The following MPPE1 variants were observed in gnomAD, a reference collection of about 807,000 sequenced individuals.
The protein encoded by MPPE1 is metallophosphoesterase 1, also known as metallo phosphoesterase.
In MPPE1, 28 loss-of-function variants were observed where a neutral mutation model predicts 43.8. The observed-to-expected ratio is 0.64, with a 90% CI of 0.47 to 0.88. The LOEUF is 0.88. Ranked by LOEUF, MPPE1 falls within the 40% of genes least tolerant of loss-of-function variation. The pLI is 0.00. For synonymous variants in MPPE1, 159 were observed against 188.5 expected, an observed-to-expected ratio of 0.84 and a Z score of 1.28; for missense variants, 428 against 492.2, an observed-to-expected ratio of 0.87 and a Z score of 1.23.
chr18:11,908,299 C>T lies in MPPE1; in HGVS notation c.-298G>A, dbSNP rs2039913291. On this transcript the variant is annotated 5_prime_UTR_variant, in exon 1 of 11. Coordinates refer to ENST00000588072, the MANE Select transcript of MPPE1 (RefSeq NM_023075.6). The stretch of plus-strand genomic sequence containing the variant: ...ACCAGGGCAGGGTGGCTTCGGTGGC[C>T]GAGGGACCCGGGAACTGCAGCCGGA... 1 of 152,262 alleles carries T rather than the reference C, an allele frequency of 6.6e-6. No individual in the cohort carries two copies. The highest frequency in any genetic ancestry group is 1.5e-5 in the Non-Finnish European group (1 of 68,064). 9.4% of individuals were successfully genotyped at this position (152,262 alleles called of 1,614,324 possible).
chr18:11,890,948 C>G (rs961111242), intron 4 of MPPE1, among the ~76,000 whole-genome samples: 6 of 152,082 alleles, frequency 3.9e-5, no homozygotes, highest in Non-Finnish European at 7.4e-5. Context: ...TATTCTGATA[C>G]TTGCTTTAAC....
intron 1 of MPPE1, among the ~76,000 whole-genome samples, chr18:11,907,468 C>T (rs2039825192): frequency 6.6e-6 from 1 of 152,156 alleles, no homozygotes; most frequent in Non-Finnish European, 1.5e-5. Flanking sequence ...ATGGCTGTGT[C>T]ACCAGCCATG....
chr18:11,904,510 G>A (rs1217257519), intron 2 of MPPE1, among the ~76,000 whole-genome samples: 1 of 151,958 alleles, frequency 6.6e-6, no homozygotes, highest in Admixed American at 6.6e-5. Context: ...GTAGAGACAG[G>A]GTTTCACCAT....
At chr18:11,897,956 T>C (rs2038764495) in intron 2 of MPPE1, among the ~76,000 whole-genome samples, 1 of 152,214 alleles carries the variant, frequency 6.6e-6, no homozygotes. Flanking sequence ...AAATCTGACA[T>C]AGTTGACTCC....
intron 2 of MPPE1, among the ~76,000 whole-genome samples, chr18:11,904,385 G>A (rs2039506315): frequency 6.6e-6 from 1 of 151,672 alleles, no homozygotes; most frequent in South Asian, 2.1e-4. Context: ...TGTGATCCCA[G>A]CTCAGTGCAA....
At chr18:11,888,364 A>G (rs890557060) in intron 6 of MPPE1, among the ~76,000 whole-genome samples, 1 of 152,218 alleles carries the variant, frequency 6.6e-6, no homozygotes, top group Non-Finnish European at 1.5e-5. Flanking sequence ...TGGGCTGATG[A>G]AATTTGTGCT....
intron 2 of MPPE1, among the ~76,000 whole-genome samples, chr18:11,903,677 G>A (rs1402707917): frequency 6.6e-6 from 1 of 152,088 alleles, no homozygotes; most frequent in Non-Finnish European, 1.5e-5. Context: ...GTGGTTGCAG[G>A]TGCCTATAGT....
intron 2 of MPPE1, among the ~76,000 whole-genome samples, chr18:11,903,074 G>C (rs1029873730): frequency 6.6e-6 from 1 of 152,186 alleles, no homozygotes. Flanking sequence ...AGGCAGGCAT[G>C]AGCGGGGCAG....
At chr18:11,901,788 G>A (rs547738709) in intron 2 of MPPE1, among the ~76,000 whole-genome samples, 3 of 152,174 alleles carry the variant, frequency 2.0e-5, no homozygotes, top group East Asian at 2.0e-4. Context: ...GCAGTGAGCC[G>A]AGATCGTGCC....
Position 11,886,735 on chromosome 18 carries a change from G to A in MPPE1, c.722C>T (p.Thr241Met), listed in dbSNP as rs201421076. ...SRCGPGPLLP[T>M]SAPVLLQHYP... ...CACCTGCAGGAGGACAGGGGCAGAC[G>A]TGGGCAGCAGAGGCCCAGGTCCACA... is the stretch of plus-strand genomic sequence containing the variant. The change falls in exon 8 of 11, where the codon ACG (threonine) becomes ATG (methionine). Residue 241 changes from threonine (T) to methionine (M), a missense_variant. This residue lies in a region of MPPE1 where 379 missense variants were observed against 402.5 expected (regional missense o/e 0.94). Transcript: ENST00000588072. This position sits in a 1 kb window ranked among gnomAD's most constrained non-coding sequence, Gnocchi z 4.1. 102 of 1,613,404 alleles carry A rather than the reference G, an allele frequency of 6.3e-5. No individual in the cohort carries two copies. The highest frequency in any genetic ancestry group is 7.8e-5 in the Non-Finnish European group (92 of 1,179,982).
intron 2 of MPPE1, among the ~76,000 whole-genome samples, chr18:11,900,323 G>A (rs34937771): frequency 0.01 from 1,555 of 152,118 alleles, 35 homozygotes; most frequent in African/African-American, 0.036. Flanking sequence ...CTGCAGCCTC[G>A]GTGACAGAGA....
intron 3 of MPPE1, among the ~76,000 whole-genome samples, chr18:11,896,258 T>C (rs914802476): frequency 6.6e-6 from 1 of 151,992 alleles, no homozygotes; most frequent in Admixed American, 6.6e-5. Context: ...CCCGCCATCA[T>C]GCTCAGCTAA....
At chr18:11,896,126 G>T (rs2038589043) in intron 3 of MPPE1, among the ~76,000 whole-genome samples, 1 of 113,690 alleles carries the variant, frequency 8.8e-6, no homozygotes, top group South Asian at 2.8e-4. Context: ...TTTTGAGATG[G>T]AATCTTGCTC....
chr18:11,888,811 G>T, intron 5 of MPPE1, 68 bp from the exon 6 acceptor site: 1 of 846,278 alleles, frequency 1.2e-6, no homozygotes. Flanking sequence ...GAGTCATCAT[G>T]AACACAAAAT....
In MPPE1 at chr18:11,886,480, T is replaced by C. The variant is rs553647507; in HGVS notation, c.867+19A>G. The C allele has an allele frequency of 6.2e-7, 1 of 1,614,150 alleles. No homozygotes were observed. The highest frequency in any genetic ancestry group is 2.2e-5 in the East Asian group (1 of 44,878). ...AGTCACACTGTGACATGAATTAGCA[T>C]CACGACACCCTGGCAAACCTTTTGT... On this transcript the variant is annotated intron_variant, in intron 9 of 10. Transcript: ENST00000588072. The surrounding 1 kb of genome is among the most constrained non-coding windows in gnomAD (Gnocchi z 4.1).
intron 2 of MPPE1, chr18:11,905,447 C>T (rs1393132787): frequency 1.3e-5 from 2 of 152,194 alleles, no homozygotes; most frequent in African/African-American, 2.4e-5. Context: ...AAAACATGCC[C>T]TCTTTTCCTA....
At position 11,900,684 on chromosome 18, in the gene MPPE1, G is replaced by A. The variant is rs1451339778; in HGVS notation, c.-92-3328C>T. ...GCACTTTGGGAGGCCAAGGTGGGCA[G>A]ATCACGAGGTCAGGAGATCGAGACC... On this transcript the variant is annotated intron_variant, in intron 2 of 10. Transcript: ENST00000588072. 2.6e-5 allele frequency among the ~76,000 whole-genome samples: 4 copies of A among 152,144 alleles called. No homozygotes were observed. The East Asian group carries it at 5.8e-4, about 22-fold the overall frequency.
chr18:11,894,279 C>T (rs1345868759), intron 3 of MPPE1, among the ~76,000 whole-genome samples: 1 of 151,826 alleles, frequency 6.6e-6, no homozygotes, highest in East Asian at 1.9e-4. Flanking sequence ...ATACAAAAAA[C>T]CAGCCATGCA....
At position 11,884,399 on chromosome 18, in the gene MPPE1, A is replaced by G; in HGVS notation, c.*46T>C. ...CTTGATTCTAACATGATCTCTGCCC[A>G]AAGTTCCATTTCTTGGGCTTTGATA... On this transcript the variant is annotated 3_prime_UTR_variant, in exon 11 of 11. Transcript: ENST00000588072. 1 of 1,588,510 alleles carries G rather than the reference A, an allele frequency of 6.3e-7. No homozygotes were observed. Among genetic ancestry groups the G allele is most frequent in the Non-Finnish European group, 8.6e-7 (1 of 1,160,420 alleles).
Sources: allele counts gnomAD v4.1 joint callset (sites outside exome capture counted in the v4.1 genomes callset), GRCh38; gene constraint gnomAD v4.1.1; regional missense constraint gnomAD v4.1.1; non-coding constraint Gnocchi (gnomAD v3.1); transcripts MANE v1.5; gene names NCBI Gene and HGNC (gene_info 2026-07-23, HGNC 2026-07-21).